Variants in NEURL1 observed in about 807,000 individuals in gnomAD.
The protein encoded by NEURL1 is neuralized E3 ubiquitin protein ligase 1.
In NEURL1, 26 loss-of-function variants were observed where a neutral mutation model predicts 41.2. That is an observed-to-expected ratio of 0.63 (90% CI 0.46 to 0.87). The LOEUF is 0.87. Among genes scored for constraint, NEURL1 ranks in the 40% least tolerant of loss-of-function variants. The pLI, the probability that NEURL1 is intolerant of heterozygous loss-of-function variation, is 0.00. For missense variants in NEURL1, 761 were observed against 871.1 expected (o/e 0.87, Z 1.59); for synonymous variants, 400 against 402.3 (o/e 0.99, Z 0.07).
chr10:103,518,612 GGGAA>G, intron 1 of NEURL1, among the ~76,000 whole-genome samples: 1 of 152,312 alleles, frequency 6.6e-6, no homozygotes, highest in Middle Eastern at 3.4e-3. Context: ...GGGGGGTCTG[GGGAA>G]CAGCACTTTG....
intron 3 of NEURL1, among the ~76,000 whole-genome samples, chr10:103,577,046 G>C (rs2035680437): frequency 6.6e-6 from 1 of 152,328 alleles, no homozygotes; most frequent in Middle Eastern, 3.4e-3. Flanking sequence ...TGGCTGCTAG[G>C]GGCCAAGAGG....
At chr10:103,510,678 G>A (rs1394576714) in intron 1 of NEURL1, among the ~76,000 whole-genome samples, 1 of 152,198 alleles carries the variant, frequency 6.6e-6, no homozygotes, top group African/African-American at 2.4e-5. Context: ...CTTCACCCCT[G>A]GCTGGGCTGA....
At position 103,508,051 on chromosome 10, in the gene NEURL1, G is replaced by A. The variant is rs1275261609; in HGVS notation, c.85+13579G>A. 6.6e-6 allele frequency among the ~76,000 whole-genome samples: 1 copy of A among 152,228 alleles called. No homozygotes were observed. The highest frequency in any genetic ancestry group is 2.4e-5 in the African/African-American group (1 of 41,458). On this transcript the variant is annotated intron_variant, in intron 1 of 5. Coordinates refer to ENST00000369780, the MANE Select transcript of NEURL1 (RefSeq NM_004210.5). This position sits in a 1 kb window ranked among gnomAD's most constrained non-coding sequence, Gnocchi z 4.3. The stretch of plus-strand genomic sequence containing the variant: ...TATAAAACTGTCAAGGGATGGACAA[G>A]CAAGAGGGACTGGATGGATGGCCCT...
chr10:103,540,316 G>A (rs2034793506), intron 1 of NEURL1, among the ~76,000 whole-genome samples: 2 of 151,804 alleles, frequency 1.3e-5, no homozygotes, highest in African/African-American at 4.8e-5. Context: ...TTGAGATGGA[G>A]TCTTGCTCTT....
chr10:103,584,983 G>A lies in NEURL1; in HGVS notation c.1097G>A (p.Arg366Gln). 1 of 1,537,266 alleles carries A rather than the reference G, an allele frequency of 6.5e-7. No individual in the cohort carries two copies. Among genetic ancestry groups the A allele is most frequent in the South Asian group, 1.2e-5 (1 of 83,774 alleles). Residue 366 changes from arginine to glutamine, a missense_variant, in exon 4 of 6, where the codon CGG becomes CAG. Arg to Gln is a conservative substitution (Grantham distance 43, BLOSUM62 1). Around this residue, in one of 5 missense-constraint regions of NEURL1, gnomAD observed 443 missense variants for 408.1 expected, o/e 1.09. Transcript: ENST00000369780. ...ACCACGTGCGACCCCGGCACGCTGC[G>A]GCCGGCCGACCTGCCTTTCAGCCCT... ...GVTTCDPGTL[R>Q]PADLPFSPEA...
At chr10:103,557,680 C>A (rs939364852) in intron 1 of NEURL1, among the ~76,000 whole-genome samples, 7 of 152,198 alleles carry the variant, frequency 4.6e-5, no homozygotes, top group Non-Finnish European at 1.0e-4. Flanking sequence ...GCATATGCGT[C>A]CTCATGCATC....
At chr10:103,533,402 T>C (rs1169501737) in intron 1 of NEURL1, among the ~76,000 whole-genome samples, 2 of 151,294 alleles carry the variant, frequency 1.3e-5, no homozygotes, top group Non-Finnish European at 3.0e-5. Flanking sequence ...GGAGTTTCAC[T>C]CTTGTTGCCC....
intron 1 of NEURL1, among the ~76,000 whole-genome samples, chr10:103,561,703 A>G (rs2035296417): frequency 6.6e-6 from 1 of 152,316 alleles, no homozygotes; most frequent in African/African-American, 2.4e-5. Flanking sequence ...TCCCATAGAC[A>G]CCTGCCTTGC....
chr10:103,586,860 C>A (rs1003716630), intron 4 of NEURL1, among the ~76,000 whole-genome samples: 3 of 152,098 alleles, frequency 2.0e-5, no homozygotes, highest in African/African-American at 4.8e-5. Flanking sequence ...ACCAGCCTGG[C>A]CAATGTGGCA....
chr10:103,535,699 G>A (rs2034676903), intron 1 of NEURL1, among the ~76,000 whole-genome samples: 1 of 152,136 alleles, frequency 6.6e-6, no homozygotes, highest in Non-Finnish European at 1.5e-5. Context: ...AAATCAGTTA[G>A]GCTCTGGCCC....
At chr10:103,576,760 A>G (rs74154549) in intron 3 of NEURL1, among the ~76,000 whole-genome samples, 1,589 of 152,224 alleles carry the variant, frequency 0.01, 25 homozygotes, top group African/African-American at 0.036. Context: ...ATTCTATTCC[A>G]TCCCTTGCCA....
At chr10:103,533,490 C>T (rs2034618019) in intron 1 of NEURL1, among the ~76,000 whole-genome samples, 1 of 151,704 alleles carries the variant, frequency 6.6e-6, no homozygotes, top group Non-Finnish European at 1.5e-5. Context: ...CTGCCTCAGC[C>T]TCCTGAGTAG....
At chr10:103,562,928 T>C (rs2035334931) in intron 1 of NEURL1, among the ~76,000 whole-genome samples, 1 of 152,116 alleles carries the variant, frequency 6.6e-6, no homozygotes, top group African/African-American at 2.4e-5. Flanking sequence ...TTCTGCCCAG[T>C]TTTACAATCA....
chr10:103,562,365 C>T (rs746339620), intron 1 of NEURL1, among the ~76,000 whole-genome samples: 8 of 152,116 alleles, frequency 5.3e-5, no homozygotes, highest in Admixed American at 1.3e-4. Context: ...CCTGGGTGAC[C>T]GAGCCAGACT....
chr10:103,576,733 C>A (rs1418511329), intron 3 of NEURL1, among the ~76,000 whole-genome samples: 1 of 152,092 alleles, frequency 6.6e-6, no homozygotes, highest in East Asian at 1.9e-4. Context: ...GAGGTGGGGG[C>A]TCCCGAGGGC....
Position 103,578,350 on chromosome 10 carries a change from T to G in NEURL1, c.650-6186T>G, listed in dbSNP as rs186903809. Among the ~76,000 whole-genome samples, 117 of 152,328 alleles carry G rather than the reference T, an allele frequency of 7.7e-4. 1 individual carries two copies. Among genetic ancestry groups the G allele is most frequent in the Admixed American group, 7.4e-3 (113 of 15,302 alleles). ...AGCTCTTCAACTAGAAGAGGGAGCCTTGAACCCAGGTCTCTGTATCGGGCT... is the reference window on the plus strand; with the variant it reads ...AGCTCTTCAACTAGAAGAGGGAGCCGTGAACCCAGGTCTCTGTATCGGGCT... On this transcript the variant is annotated intron_variant, in intron 3 of 5. Coordinates refer to ENST00000369780, the MANE Select transcript of NEURL1 (RefSeq NM_004210.5).
intron 3 of NEURL1, among the ~76,000 whole-genome samples, chr10:103,576,309 C>T (rs2035661592): frequency 6.8e-6 from 1 of 147,362 alleles, no homozygotes; most frequent in African/African-American, 2.4e-5. Flanking sequence ...CAATTTAGGT[C>T]AGACAGGGGG....
At chr10:103,555,563 G>T in intron 1 of NEURL1, 1 of 547,924 alleles carries the variant, frequency 1.8e-6, no homozygotes. Context: ...GGCACCTTTT[G>T]GTGGTGGGCA....
chr10:103,586,713 T>G lies in NEURL1; in HGVS notation c.1339+1488T>G, dbSNP rs528979534. Among the ~76,000 whole-genome samples, 7 of 152,276 alleles carry G rather than the reference T, an allele frequency of 4.6e-5. No homozygotes were observed. In the South Asian group the frequency reaches 1.5e-3, roughly 32 times the overall value. On this transcript the variant is annotated intron_variant, in intron 4 of 5. Transcript: ENST00000369780. Reference sequence around the variant, plus strand: ...AAAAAACATTGGGGACTTCCACCTCTGCAAAGAGACCAAATGAAGATGGAG... The same window carrying G: ...AAAAAACATTGGGGACTTCCACCTCGGCAAAGAGACCAAATGAAGATGGAG...
Sources: gnomAD v4.1 joint callset for allele counts (sites outside exome capture counted in the v4.1 genomes callset) on GRCh38, gnomAD v4.1.1 for gene constraint, gnomAD v4.1.1 regional missense constraint, Gnocchi (gnomAD v3.1) non-coding constraint, MANE v1.5 for transcripts, NCBI Gene and HGNC (gene_info 2026-07-23, HGNC 2026-07-21) for gene names.